ADAM22: variants seen among roughly 807,000 people sequenced by gnomAD.
The protein encoded by ADAM22 is ADAM metallopeptidase domain 22.
ADAM22 carries 65 observed loss-of-function variants against 144.6 expected under a neutral mutation model. The ratio of observed to expected loss-of-function variants is 0.45; its 90% CI spans 0.37 to 0.55. The LOEUF (loss-of-function observed/expected upper bound fraction) is 0.55. ADAM22 is among the 20% of genes least tolerant of loss of function. ADAM22 has a pLI of 0.00. For missense variants in ADAM22, 974 were observed against 1,184.9 expected, an observed-to-expected ratio of 0.82 and a Z score of 2.61; for synonymous variants, 391 against 412.6, an observed-to-expected ratio of 0.95 and a Z score of 0.63.
chr7:88,024,995 A>T (rs535431231), intron 3 of ADAM22, among the ~76,000 whole-genome samples: 1 of 152,202 alleles, frequency 6.6e-6, no homozygotes, highest in Non-Finnish European at 1.5e-5. Flanking sequence ...TATTGTGAAT[A>T]GTGCCGCAAT....
chr7:87,961,878 A>T (rs553240580), intron 2 of ADAM22, among the ~76,000 whole-genome samples: 43 of 152,326 alleles, frequency 2.8e-4, no homozygotes, highest in Non-Finnish European at 4.9e-4. Flanking sequence ...AGAACTTATA[A>T]AACAGGTTCA....
intron 7 of ADAM22, among the ~76,000 whole-genome samples, chr7:88,121,390 G>A (rs1252662458): frequency 6.6e-6 from 1 of 152,112 alleles, no homozygotes; most frequent in Non-Finnish European, 1.5e-5. Flanking sequence ...TGTAGATATT[G>A]TATTATCTAT....
At chr7:87,944,287 T>C (rs949152385) in intron 2 of ADAM22, among the ~76,000 whole-genome samples, 10 of 151,204 alleles carry the variant, frequency 6.6e-5, no homozygotes, top group African/African-American at 2.0e-4. Context: ...GTACACACAA[T>C]TTGCTGGTAC....
intron 4 of ADAM22, among the ~76,000 whole-genome samples, chr7:88,081,204 G>A (rs1241246783): frequency 4.6e-5 from 7 of 152,004 alleles, no homozygotes; most frequent in African/African-American, 9.7e-5. Flanking sequence ...ATCAATAAAC[G>A]TAATCCAGCA....
At chr7:88,149,473 C>T (rs528805107) in intron 18 of ADAM22, among the ~76,000 whole-genome samples, 47 of 152,202 alleles carry the variant, frequency 3.1e-4, no homozygotes, top group African/African-American at 1.0e-3. Context: ...TAGCTTGCAT[C>T]GCCTCAGCCA....
intron 3 of ADAM22, among the ~76,000 whole-genome samples, chr7:88,004,992 A>G (rs892259487): frequency 6.6e-6 from 1 of 152,276 alleles, no homozygotes; most frequent in Middle Eastern, 3.4e-3. Context: ...ATGCTATATT[A>G]TTATAAAACG....
At chr7:88,093,708 G>A (rs1028768124) in intron 4 of ADAM22, among the ~76,000 whole-genome samples, 4 of 151,862 alleles carry the variant, frequency 2.6e-5, no homozygotes, top group Non-Finnish European at 5.9e-5. Flanking sequence ...CATCATGCCC[G>A]GCTAATTTTT....
chr7:87,955,408 C>T (rs911178435), intron 2 of ADAM22, among the ~76,000 whole-genome samples: 5 of 152,224 alleles, frequency 3.3e-5, no homozygotes, highest in African/African-American at 1.2e-4. Flanking sequence ...ACTGCAGACC[C>T]TGTTTGCCTG....
At chr7:88,079,855 G>T (rs1415710293) in intron 4 of ADAM22, among the ~76,000 whole-genome samples, 6 of 152,104 alleles carry the variant, frequency 3.9e-5, no homozygotes, top group African/African-American at 7.2e-5. Flanking sequence ...AGCAAGTCCT[G>T]AGTGACCTAC....
intron 3 of ADAM22, among the ~76,000 whole-genome samples, chr7:88,022,717 T>G (rs1345405982): frequency 6.6e-6 from 1 of 152,208 alleles, no homozygotes; most frequent in Non-Finnish European, 1.5e-5. Flanking sequence ...ATAAAATTAT[T>G]CTTTTACATA....
At chr7:87,956,223 T>G (rs1012842110) in intron 2 of ADAM22, among the ~76,000 whole-genome samples, 1 of 152,118 alleles carries the variant, frequency 6.6e-6, no homozygotes, top group Non-Finnish European at 1.5e-5. Context: ...TCTGCATCAC[T>G]CACGCTGGGA....
At chr7:87,956,857 A>G (rs1846900675) in intron 2 of ADAM22, among the ~76,000 whole-genome samples, 1 of 152,210 alleles carries the variant, frequency 6.6e-6, no homozygotes. Flanking sequence ...TTGGCTATTT[A>G]AAATAATGGT....
chr7:88,148,187 T>G (rs2129524786), intron 17 of ADAM22, among the ~76,000 whole-genome samples: 1 of 152,270 alleles, frequency 6.6e-6, no homozygotes, highest in South Asian at 2.1e-4. Flanking sequence ...GAATAACATG[T>G]GCCTTTGTGT....
At chr7:88,105,824 G>T (rs1340114045) in intron 4 of ADAM22, among the ~76,000 whole-genome samples, 1 of 152,144 alleles carries the variant, frequency 6.6e-6, no homozygotes. Context: ...TGAAGATTTA[G>T]TGTGATTGTG....
intron 14 of ADAM22, among the ~76,000 whole-genome samples, chr7:88,138,326 A>G (rs1833554064): frequency 6.6e-6 from 1 of 152,208 alleles, no homozygotes; most frequent in Non-Finnish European, 1.5e-5. Context: ...GATTATTAAA[A>G]TGTTTAATAG....
intron 2 of ADAM22, among the ~76,000 whole-genome samples, chr7:87,966,730 T>TG (rs1554357630): frequency 3.9e-5 from 5 of 128,668 alleles, no homozygotes; most frequent in African/African-American, 1.2e-4. Context: ...CGTTTTTTTT[T>TG]TTTTTTTTTT....
intron 2 of ADAM22, among the ~76,000 whole-genome samples, chr7:87,940,341 T>C (rs549522623): frequency 6.6e-6 from 1 of 152,108 alleles, no homozygotes; most frequent in South Asian, 2.1e-4. Context: ...TTAAAAAGAG[T>C]ATGGAAATCA....
At chr7:88,008,587 C>G (rs983467865) in intron 3 of ADAM22, among the ~76,000 whole-genome samples, 4 of 151,426 alleles carry the variant, frequency 2.6e-5, no homozygotes, top group African/African-American at 9.7e-5. Context: ...ATGATGAGTT[C>G]ATGTCCTTTG....
chr7:88,170,514 A>G lies in ADAM22; in HGVS notation c.2283-1030A>G, dbSNP rs1338021256. ...CCGTATGGCTCAGGAAATCAGATTG[A>G]AGGAATAAAAAGCAAAACATGTTGA... On this transcript the variant is annotated intron_variant, in intron 25 of 31. Coordinates refer to ENST00000413139, the MANE Select transcript of ADAM22 (RefSeq NM_001324418.2). 2.6e-5 allele frequency among the ~76,000 whole-genome samples: 4 copies of G among 151,940 alleles called. No individual in the cohort carries two copies. The East Asian group carries it at 5.8e-4, about 22-fold the overall frequency.
Sources: allele counts gnomAD v4.1 joint callset (sites outside exome capture counted in the v4.1 genomes callset), GRCh38; gene constraint gnomAD v4.1.1; transcripts MANE v1.5; gene names NCBI Gene and HGNC (gene_info 2026-07-23, HGNC 2026-07-21).